The following CRACDL variants were observed in gnomAD, a reference collection of about 807,000 sequenced individuals.
The protein encoded by CRACDL is CRACD-like protein.
A neutral mutation model predicts 70.6 loss-of-function variants in CRACDL; 26 were observed. The ratio of observed to expected loss-of-function variants is 0.37; its 90% CI spans 0.27 to 0.51. The LOEUF (loss-of-function observed/expected upper bound fraction) is 0.51, where lower values mean the gene tolerates loss of function less well. Among genes scored for constraint, CRACDL ranks in the 20% least tolerant of loss-of-function variants. The probability of loss-of-function intolerance (pLI) is 0.94; values close to 1 mark genes in which losing one functional copy is unlikely to be tolerated. For synonymous variants in CRACDL, 618 were observed against 615.2 expected (o/e 1.00, Z -0.07); for missense variants, 1,283 against 1,376.9 (o/e 0.93, Z 1.08).
At chr2:98,898,713 G>A (rs913238992) in intron 1 of CRACDL, among the ~76,000 whole-genome samples, 4 of 152,170 alleles carry the variant, frequency 2.6e-5, no homozygotes, top group South Asian at 2.1e-4. Context: ...GCCGTTGTGC[G>A]GATGAGGAAG....
chr2:98,838,084 T>C, intron 3 of CRACDL, 35 bp downstream of exon 3: 4 of 1,551,948 alleles, frequency 2.6e-6, no homozygotes, highest in Non-Finnish European at 3.5e-6. Flanking sequence ...TGTATTTAGG[T>C]GCTCCTGGCC....
chr2:98,807,402 CT>C (rs770810619), intron 7 of CRACDL, among the ~76,000 whole-genome samples: 129 of 152,330 alleles, frequency 8.5e-4, no homozygotes, highest in Non-Finnish European at 1.4e-3. Context: ...GTCCTGTGCA[CT>C]GTAGGATGCT....
chr2:98,873,178 C>T (rs1320889521), intron 1 of CRACDL, among the ~76,000 whole-genome samples: 1 of 152,218 alleles, frequency 6.6e-6, no homozygotes, highest in South Asian at 2.1e-4. Context: ...AAGGAACCCT[C>T]GATGTCAGGA....
intron 1 of CRACDL, among the ~76,000 whole-genome samples, chr2:98,881,114 T>C (rs1435336206): frequency 3.9e-5 from 6 of 152,144 alleles, no homozygotes; most frequent in Admixed American, 2.0e-4. Context: ...CTTCTGTGTC[T>C]GGGGAGGCTG....
intron 3 of CRACDL, among the ~76,000 whole-genome samples, chr2:98,836,830 C>T (rs1705805374): frequency 6.6e-6 from 1 of 152,138 alleles, no homozygotes; most frequent in African/African-American, 2.4e-5. Context: ...CGCCTGTAAT[C>T]CCAGCACTTT....
chr2:98,901,287 C>A (rs1221345995), intron 1 of CRACDL, among the ~76,000 whole-genome samples: 1 of 152,208 alleles, frequency 6.6e-6, no homozygotes, highest in Non-Finnish European at 1.5e-5. Flanking sequence ...TGAGCCTCTG[C>A]CACAGTGGGA....
At chr2:98,878,297 A>T (rs575397757) in intron 1 of CRACDL, among the ~76,000 whole-genome samples, 1 of 152,122 alleles carries the variant, frequency 6.6e-6, no homozygotes, top group Non-Finnish European at 1.5e-5. Flanking sequence ...CTATGTTTAG[A>T]TATGTTCAGA....
intron 7 of CRACDL, among the ~76,000 whole-genome samples, chr2:98,808,803 G>A (rs564622881): frequency 4.8e-4 from 73 of 152,258 alleles, no homozygotes; most frequent in African/African-American, 1.6e-3. Context: ...GGGTCTCAGC[G>A]CCCCCCACAT....
chr2:98,833,028 C>T, intron 3 of CRACDL, 31 bp from the exon 4 acceptor site: 1 of 1,585,206 alleles, frequency 6.3e-7, no homozygotes, highest in East Asian at 2.3e-5. Context: ...TGAGACTCTG[C>T]CCACCTCCAT....
intron 1 of CRACDL, among the ~76,000 whole-genome samples, chr2:98,848,782 T>G (rs1337301396): frequency 1.3e-5 from 2 of 152,184 alleles, no homozygotes; most frequent in East Asian, 3.9e-4. Flanking sequence ...GAAACGGGGT[T>G]TCGCCATGTT....
intron 1 of CRACDL, among the ~76,000 whole-genome samples, chr2:98,931,179 G>T (rs146603042): frequency 1.3e-5 from 2 of 152,074 alleles, no homozygotes; most frequent in African/African-American, 4.8e-5. Flanking sequence ...ACAAAAATTT[G>T]CCAGGTGTGG....
At chr2:98,912,410 C>T (rs1157995439) in intron 1 of CRACDL, among the ~76,000 whole-genome samples, 4 of 152,218 alleles carry the variant, frequency 2.6e-5, no homozygotes, top group Admixed American at 2.6e-4. Context: ...GTCTGCCACT[C>T]GATCCCCAGG....
chr2:98,876,515 G>T (rs970767081), intron 1 of CRACDL, among the ~76,000 whole-genome samples: 1 of 152,128 alleles, frequency 6.6e-6, no homozygotes, highest in South Asian at 2.1e-4. Context: ...TGTGAACTGC[G>T]CCATGTGAGG....
At chr2:98,879,696 C>A (rs368642256) in intron 1 of CRACDL, among the ~76,000 whole-genome samples, 1 of 152,190 alleles carries the variant, frequency 6.6e-6, no homozygotes, top group Non-Finnish European at 1.5e-5. Context: ...CAGGTGCACA[C>A]TGCCGTGCCC....
At chr2:98,813,073 T>C (rs977164236) in intron 7 of CRACDL, among the ~76,000 whole-genome samples, 2 of 152,224 alleles carry the variant, frequency 1.3e-5, no homozygotes, top group African/African-American at 2.4e-5. Flanking sequence ...CTTTTGCCTA[T>C]GAATATTCCT....
At chr2:98,811,796 T>A (rs1349793025) in intron 7 of CRACDL, among the ~76,000 whole-genome samples, 2 of 152,162 alleles carry the variant, frequency 1.3e-5, no homozygotes, top group Non-Finnish European at 2.9e-5. Flanking sequence ...ATAATTCAGT[T>A]TGCAATTTTG....
At chr2:98,860,452 T>C (rs965500903) in intron 1 of CRACDL, among the ~76,000 whole-genome samples, 1 of 152,194 alleles carries the variant, frequency 6.6e-6, no homozygotes, top group African/African-American at 2.4e-5. Context: ...AGACATATAG[T>C]TCAACAGAAA....
intron 1 of CRACDL, among the ~76,000 whole-genome samples, chr2:98,902,680 G>A (rs1708311348): frequency 6.6e-6 from 1 of 152,082 alleles, no homozygotes; most frequent in Admixed American, 6.5e-5. Context: ...GTAGGACAGA[G>A]GGCCCTGTGC....
rs758273017 is a variant in CRACDL at position 98,892,600 on chromosome 2, G to T, written c.-11+43338C>A. On this transcript the variant is annotated intron_variant, in intron 1 of 9. Transcript: ENST00000397899. ...AGCTACTCCGGAGGCTGAGGCAGGAGAATCGCTTTAACCCAGAAGGCAGAG... is the reference window on the plus strand; with the variant it reads ...AGCTACTCCGGAGGCTGAGGCAGGATAATCGCTTTAACCCAGAAGGCAGAG... Among the ~76,000 whole-genome samples the T allele has an allele frequency of 2.4e-4, 37 of 151,818 alleles. 2 individuals are homozygous for T. Among genetic ancestry groups the T allele is most frequent in the Admixed American group, 1.9e-3 (29 of 15,238 alleles).
Sources: gnomAD v4.1 joint callset for allele counts (sites outside exome capture counted in the v4.1 genomes callset) on GRCh38, gnomAD v4.1.1 for gene constraint, MANE v1.5 for transcripts, NCBI Gene and HGNC (gene_info 2026-07-23, HGNC 2026-07-21) for gene names.